NREP: variants seen among roughly 807,000 people sequenced by gnomAD.
NREP encodes neuronal regeneration related protein, also known as neuronal regeneration-related protein.
A neutral mutation model predicts 8.6 loss-of-function variants in NREP; 5 were observed. That is an observed-to-expected ratio of 0.58 (90% CI 0.30 to 1.22). NREP has a LOEUF of 1.22. Among genes scored for constraint, NREP ranks in the 50% most tolerant of loss-of-function variants. NREP has a pLI of 0.07. For synonymous variants in NREP, 27 were observed against 28.0 expected (o/e 0.96, Z 0.11); for missense variants, 86 against 82.5 (o/e 1.04, Z -0.17).
chr5:111,755,689 G>A (rs1750655696), intron 2 of NREP, 81 bp downstream of exon 2: 4 of 1,459,994 alleles, frequency 2.7e-6, no homozygotes, highest in African/African-American at 1.4e-5. Context: ...GGGTTGAGGC[G>A]GATGAAGATG....
Position 111,954,590 on chromosome 5 carries a change from G to A in NREP, c.135+20684C>T, listed in dbSNP as rs538681301. ...ACTTCAAAGTGCCCACTGTTAGATT[G>A]GAAAATAACATTTTCTCCTAAGCTC... On this transcript the variant is annotated intron_variant, in intron 2 of 3. Transcript: ENST00000395634. Among the ~76,000 whole-genome samples the A allele has an allele frequency of 4.9e-4, 75 of 152,108 alleles. 1 individual carries two copies. The highest frequency in any genetic ancestry group is 1.8e-3 in the African/African-American group (73 of 41,514).
chr5:111,814,973 A>G (rs1561677584), intron 2 of NREP, among the ~76,000 whole-genome samples: 2 of 152,116 alleles, frequency 1.3e-5, no homozygotes, highest in East Asian at 1.9e-4. Flanking sequence ...GAAAAAAAAA[A>G]AAAAGGAATA....
intron 2 of NREP, among the ~76,000 whole-genome samples, chr5:111,922,089 T>A (rs546354541): frequency 2.4e-4 from 37 of 152,178 alleles, no homozygotes; most frequent in Non-Finnish European, 4.7e-4. Flanking sequence ...AGATCATACA[T>A]ACAACATTTC....
chr5:111,836,661 G>A (rs1752902428), intron 2 of NREP, among the ~76,000 whole-genome samples: 1 of 151,996 alleles, frequency 6.6e-6, no homozygotes, highest in African/African-American at 2.4e-5. Flanking sequence ...AGAAGGGAGA[G>A]AGAGCATTCT....
intron 2 of NREP, among the ~76,000 whole-genome samples, chr5:111,829,065 G>A (rs1752698508): frequency 6.6e-6 from 1 of 151,872 alleles, no homozygotes; most frequent in Admixed American, 6.6e-5. Context: ...AGGAAATAAG[G>A]GCAAACCATC....
At chr5:111,922,302 C>T (rs1371559725) in intron 2 of NREP, among the ~76,000 whole-genome samples, 1 of 151,936 alleles carries the variant, frequency 6.6e-6, no homozygotes, top group Non-Finnish European at 1.5e-5. Flanking sequence ...CTTTGAGATC[C>T]CCTGAGTGAC....
chr5:111,837,181 T>G (rs1752915966), intron 2 of NREP, among the ~76,000 whole-genome samples: 1 of 152,186 alleles, frequency 6.6e-6, no homozygotes, highest in South Asian at 2.1e-4. Flanking sequence ...AAACAGAAGA[T>G]CCTAGTTTCT....
At chr5:111,778,419 G>C (rs551839774) in intron 2 of NREP, among the ~76,000 whole-genome samples, 2 of 152,246 alleles carry the variant, frequency 1.3e-5, no homozygotes, top group South Asian at 2.1e-4. Flanking sequence ...GGTTTAAGTA[G>C]TGTGCTTAAC....
intron 3 of NREP, among the ~76,000 whole-genome samples, 168 bp from the exon 4 acceptor site, chr5:111,731,214 T>A (rs1748528512): frequency 6.6e-6 from 1 of 152,228 alleles, no homozygotes; most frequent in East Asian, 1.9e-4. Flanking sequence ...ACAGTTCACC[T>A]GAATGTAAAT....
In NREP at chr5:111,835,367, C is replaced by A. The variant is rs940746215; in HGVS notation, c.136-99860G>T. On this transcript the variant is annotated intron_variant, in intron 2 of 3. Transcript: ENST00000395634. ...GGAATAGTAATAGTATTAATAAGACCTTATACCTGCCCACAAGGATCTCGC... is the reference window on the plus strand; with the variant it reads ...GGAATAGTAATAGTATTAATAAGACATTATACCTGCCCACAAGGATCTCGC... 7.2e-5 allele frequency among the ~76,000 whole-genome samples: 11 copies of A among 152,170 alleles called. No individual in the cohort carries two copies. In the East Asian group the frequency reaches 7.7e-4, roughly 11 times the overall value.
At chr5:111,960,741 C>T (rs1174957229) in intron 2 of NREP, among the ~76,000 whole-genome samples, 1 of 152,158 alleles carries the variant, frequency 6.6e-6, no homozygotes, top group Non-Finnish European at 1.5e-5. Flanking sequence ...GACTCATTCT[C>T]ATTGTATCTA....
chr5:111,872,656 T>C (rs1013852245), intron 2 of NREP, among the ~76,000 whole-genome samples: 1 of 152,162 alleles, frequency 6.6e-6, no homozygotes, highest in East Asian at 1.9e-4. Context: ...AAGGTATGGT[T>C]AGAACACCTT....
At chr5:111,807,551 T>G (rs1752169210) in intron 2 of NREP, among the ~76,000 whole-genome samples, 1 of 152,152 alleles carries the variant, frequency 6.6e-6, no homozygotes, top group African/African-American at 2.4e-5. Flanking sequence ...TAGCGGGTTT[T>G]AAAGACAATT....
upstream of NREP, among the ~76,000 whole-genome samples, chr5:111,758,424 C>T (rs1223240942): frequency 2.0e-5 from 3 of 152,226 alleles, no homozygotes; most frequent in African/African-American, 7.2e-5. Flanking sequence ...TTTGTAAACT[C>T]GTCGTTCTTA....
chr5:111,762,283 T>A (rs1185576977), upstream of NREP, among the ~76,000 whole-genome samples: 1 of 152,100 alleles, frequency 6.6e-6, no homozygotes, highest in Non-Finnish European at 1.5e-5. Flanking sequence ...GGAAGAAAAG[T>A]GTCTATGGGA....
intron 2 of NREP, among the ~76,000 whole-genome samples, chr5:111,762,985 A>G (rs1750999623): frequency 6.6e-6 from 1 of 152,222 alleles, no homozygotes; most frequent in African/African-American, 2.4e-5. Flanking sequence ...TAAAAGTTGA[A>G]GTCAGGAGGG....
At chr5:111,817,633 G>A (rs927391645) in intron 2 of NREP, among the ~76,000 whole-genome samples, 44 of 151,852 alleles carry the variant, frequency 2.9e-4, no homozygotes, top group South Asian at 4.2e-4. Flanking sequence ...GTGAAACCTC[G>A]TCTCTACTAA....
intron 2 of NREP, among the ~76,000 whole-genome samples, chr5:111,753,330 TTATATATATATATATATA>T (rs10546970): frequency 1.4e-5 from 2 of 140,788 alleles, no homozygotes; most frequent in African/African-American, 2.6e-5. Context: ...CAAGTTGATT[TTATATATATATATATATA>T]TATATGTATA....
chr5:111,913,385 C>G (rs1456899177), intron 2 of NREP, among the ~76,000 whole-genome samples: 1 of 152,052 alleles, frequency 6.6e-6, no homozygotes, highest in Non-Finnish European at 1.5e-5. Flanking sequence ...TTACAGCAGA[C>G]TAGGTTGCAA....
Sources: allele counts gnomAD v4.1 joint callset (sites outside exome capture counted in the v4.1 genomes callset), GRCh38; gene constraint gnomAD v4.1.1; transcripts MANE v1.5; gene names NCBI Gene and HGNC (gene_info 2026-07-23, HGNC 2026-07-21).